LSS: variants seen among roughly 807,000 people sequenced by gnomAD.
LSS encodes the protein lanosterol synthase.
Under a neutral mutation model 110.3 loss-of-function variants are expected in LSS, and 90 were observed. The ratio of observed to expected loss-of-function variants is 0.82; its 90% CI spans 0.69 to 0.97. The LOEUF (loss-of-function observed/expected upper bound fraction) is 0.97. LSS is among the 50% of genes least tolerant of loss of function. The pLI is 0.00. For synonymous variants in LSS, 433 were observed against 400.0 expected, an observed-to-expected ratio of 1.08 and a Z score of -0.98; for missense variants, 927 against 990.0, an observed-to-expected ratio of 0.94 and a Z score of 0.85.
intron 3 of LSS, among the ~76,000 whole-genome samples, chr21:46,223,254 G>A (rs1407006550): frequency 6.6e-6 from 1 of 152,268 alleles, no homozygotes; most frequent in African/African-American, 2.4e-5. Flanking sequence ...AAATGTCAGG[G>A]GGGAGGCAGA....
intron 17 of LSS, among the ~76,000 whole-genome samples, chr21:46,202,449 T>C (rs900553459): frequency 7.3e-5 from 11 of 151,454 alleles, no homozygotes; most frequent in African/African-American, 2.4e-4. Context: ...CACTAATATA[T>C]TTAACCATTT....
intron 16 of LSS, 25 bp downstream of exon 16, chr21:46,206,647 G>A (rs771794425): frequency 2.4e-5 from 38 of 1,593,034 alleles, no homozygotes; most frequent in Admixed American, 5.0e-5. Context: ...GGGTTTGCGC[G>A]CCGCAGTGCT....
rs369815137 is a variant in LSS, at chr21:46,222,718, C to T, written c.340G>A (p.Val114Met). 16 of 1,613,686 alleles carry T rather than the reference C, an allele frequency of 9.9e-6. No homozygotes were observed. Among genetic ancestry groups the T allele is most frequent in the East Asian group, 4.5e-5 (2 of 44,900 alleles). ...CCGGCTGGCAGAGGGATGCGTGCCA[C>T]GTGGCAAGTGATCAGGAGGCCTGTG... ...LLPGLLITCH[V>M]ARIPLPAGYR... Residue 114 changes from valine (V) to methionine (M), a missense_variant, in exon 4 of 22, where the codon GTG (valine) becomes ATG (methionine). By Grantham distance (21) the Val-to-Met change is conservative. Coordinates refer to ENST00000397728, the MANE Select transcript of LSS (RefSeq NM_002340.6).
rs775595982 is a variant in LSS at position 46,207,462 on chromosome 21, A to T, written c.1433T>A (p.Ile478Asn). The T allele has an allele frequency of 2.5e-6, 4 of 1,612,526 alleles. No individual in the cohort carries two copies. The highest frequency in any genetic ancestry group is 2.5e-6 in the Non-Finnish European group (3 of 1,179,632). The change falls in exon 15 of 22, where the codon ATC becomes AAC. Residue 478 changes from isoleucine (I) to asparagine (N), a missense_variant. Ile to Asn is a moderately radical substitution (Grantham distance 149). Transcript: ENST00000397728. ...QEKCPHVTEH[I>N]PRERLCDAVA... ...AGCATCGCAGAGCCGTTCTCTGGGG[A>T]TGTGCTCGGTGACATGGGGACACTT...
intron 19 of LSS, among the ~76,000 whole-genome samples, chr21:46,195,410 T>G (rs1382502333): frequency 6.6e-6 from 1 of 152,096 alleles, no homozygotes; most frequent in Non-Finnish European, 1.5e-5. Context: ...CATCTCTACA[T>G]AAAAGTTTTA....
chr21:46,212,888 C>T, intron 11 of LSS, 137 bp downstream of exon 11: 1 of 1,026,302 alleles, frequency 9.7e-7, no homozygotes. Context: ...GGCCAGAGGC[C>T]TCAACTGACT....
intron 17 of LSS, among the ~76,000 whole-genome samples, chr21:46,203,407 GA>G (rs1227930808): frequency 6.6e-6 from 1 of 152,218 alleles, no homozygotes; most frequent in Non-Finnish European, 1.5e-5. Flanking sequence ...GGCCAGGCGT[GA>G]AAGGGGCAGC....
chr21:46,188,733 TGAA>T lies in LSS; in HGVS notation c.*2368_*2370del. ...CACAGATGTGATTTCTAAAGAAGAC[TGAA>T]GGCAGGGATACTGACACTGAAGTCC... On this transcript the variant is annotated 3_prime_UTR_variant, in exon 22 of 22. Coordinates refer to ENST00000397728, the MANE Select transcript of LSS (RefSeq NM_002340.6). The T allele has an allele frequency of 2.1e-6, 1 of 471,200 alleles. No individual in the cohort carries two copies. Among genetic ancestry groups the T allele is most frequent in the Non-Finnish European group, 4.4e-6 (1 of 227,086 alleles). 29.2% of individuals were successfully genotyped at this position (471,200 alleles called of 1,614,324 possible). A position where few individuals can be genotyped will look rare whatever the true frequency, so the allele number is the denominator to read the frequency against.
intron 13 of LSS, among the ~76,000 whole-genome samples, chr21:46,208,508 C>T (rs560459826): frequency 5.9e-5 from 9 of 152,204 alleles, no homozygotes; most frequent in East Asian, 1.9e-4. Context: ...TGCTGGGAAA[C>T]GTGACTGGCC....
At chr21:46,217,342 T>TAA (rs958881245) in intron 6 of LSS, among the ~76,000 whole-genome samples, 7 of 152,200 alleles carry the variant, frequency 4.6e-5, no homozygotes, top group Admixed American at 1.3e-4. Flanking sequence ...CTGCTGACGT[T>TAA]AGCACAGCTC....
intron 20 of LSS, among the ~76,000 whole-genome samples, chr21:46,194,015 C>T (rs1352304195): frequency 6.6e-6 from 1 of 152,118 alleles, no homozygotes; most frequent in African/African-American, 2.4e-5. Context: ...TCTCCATGTA[C>T]ATCTGTGTGT....
intron 20 of LSS, among the ~76,000 whole-genome samples, chr21:46,194,067 CGT>C (rs766629379): frequency 6.6e-5 from 10 of 152,250 alleles, no homozygotes; most frequent in African/African-American, 2.4e-4. Flanking sequence ...CATGCGTCTG[CGT>C]GTGTGTGCAC....
At chr21:46,212,933 A>C (rs1326246012) in intron 11 of LSS, 92 bp downstream of exon 11, 20 of 1,487,106 alleles carry the variant, frequency 1.3e-5, no homozygotes, top group Non-Finnish European at 1.9e-5. Context: ...GACCTGGTCC[A>C]GGAGGAGTTA....
chr21:46,191,014 A>C lies in LSS; in HGVS notation c.*90T>G, dbSNP rs1401791989. ...ATAGAGGTTGAGGGGTTGGAGCCCAAGACAGGGTTATGGGAGGGCTCCCCA... is the reference window on the plus strand; with the variant it reads ...ATAGAGGTTGAGGGGTTGGAGCCCACGACAGGGTTATGGGAGGGCTCCCCA... On this transcript the variant is annotated 3_prime_UTR_variant, in exon 22 of 22. Transcript: ENST00000397728. 6.7e-7 allele frequency: 1 copy of C among 1,497,238 alleles called. No homozygotes were observed. Among genetic ancestry groups the C allele is most frequent in the African/African-American group, 1.4e-5 (1 of 71,650 alleles). 92.7% of individuals were successfully genotyped at this position (1,497,238 alleles called of 1,614,324 possible).
rs774561199 is a variant in LSS, at chr21:46,196,245, C to G, written c.1693G>C (p.Glu565Gln). The G allele has an allele frequency of 1.5e-5, 24 of 1,614,090 alleles. No homozygotes were observed. In the Admixed American group the frequency reaches 4.0e-4, roughly 27 times the overall value. ...GCCCTCTGCTGCCGCCGACAGAACT[C>G]TAAGCCCTGCGTGAGGGTCTCCCTG... ...EIRETLTQGL[E>Q]FCRRQQRADG... Residue 565 changes from glutamate to glutamine, a missense_variant, in exon 18 of 22, where the codon GAG (glutamate) becomes CAG (glutamine). Glu to Gln is a conservative substitution (Grantham distance 29). Transcript: ENST00000397728.
intron 20 of LSS, chr21:46,192,859 G>C: frequency 2.2e-6 from 1 of 449,922 alleles, no homozygotes; most frequent in Non-Finnish European, 4.4e-6. Flanking sequence ...GATACTGCGG[G>C]TGCATCTGCA....
chr21:46,205,994 C>T, intron 16 of LSS, 53 bp from the exon 17 acceptor site: 1 of 1,364,870 alleles, frequency 7.3e-7, no homozygotes, highest in South Asian at 1.2e-5. Flanking sequence ...GCTGCCCAGG[C>T]TCTGCAGCTC....
At chr21:46,191,791 A>C (rs1301743625) in intron 21 of LSS, 90 bp downstream of exon 21, 2 of 1,136,604 alleles carry the variant, frequency 1.8e-6, no homozygotes, top group East Asian at 5.1e-5. Context: ...AAGTACCCCA[A>C]AAAGGACACA....
chr21:46,211,418 C>T (rs762619795), intron 11 of LSS, among the ~76,000 whole-genome samples: 54 of 152,278 alleles, frequency 3.5e-4, no homozygotes, highest in South Asian at 4.1e-4. Flanking sequence ...CGTGAGCCAC[C>T]GCACCTGGCC....
Sources: gnomAD v4.1 joint callset for allele counts (sites outside exome capture counted in the v4.1 genomes callset) on GRCh38, gnomAD v4.1.1 for gene constraint, MANE v1.5 for transcripts, NCBI Gene and HGNC (gene_info 2026-07-23, HGNC 2026-07-21) for gene names.